GABRA3: variants seen among roughly 807,000 people sequenced by gnomAD.
The protein encoded by GABRA3 is gamma-aminobutyric acid type A receptor subunit alpha3.
In GABRA3, 10 loss-of-function variants were observed where a neutral mutation model predicts 30.1. That is an observed-to-expected ratio of 0.33 (90% CI 0.20 to 0.56). The LOEUF (loss-of-function observed/expected upper bound fraction) is 0.56, where lower values mean the gene tolerates loss of function less well. Among genes scored for constraint, GABRA3 ranks in the 20% least tolerant of loss-of-function variants. The probability of loss-of-function intolerance (pLI) is 0.89; values close to 1 mark genes in which losing one functional copy is unlikely to be tolerated. For synonymous variants in GABRA3, 151 were observed against 146.8 expected, an observed-to-expected ratio of 1.03 and a Z score of -0.21; for missense variants, 233 against 392.0, an observed-to-expected ratio of 0.59 and a Z score of 3.42.
chrX:152,280,259 TAGAAA>T (rs1939175559), intron 4 of GABRA3, among the ~76,000 whole-genome samples: 1 of 111,261 alleles, frequency 9.0e-6, no homozygotes, highest in Non-Finnish European at 1.9e-5. Flanking sequence ...CATAGACTCC[TAGAAA>T]AAGCTCAAGG....
chrX:152,384,984 A>G (rs1253892251), intron 1 of GABRA3, among the ~76,000 whole-genome samples: 2 of 112,210 alleles, frequency 1.8e-5, no homozygotes, highest in South Asian at 3.7e-4. Context: ...GTCATTAACC[A>G]TAAGAAAAAG....
At chrX:152,431,251 A>G (rs1930644580) in intron 1 of GABRA3, among the ~76,000 whole-genome samples, 1 of 111,991 alleles carries the variant, frequency 8.9e-6, no homozygotes, top group Non-Finnish European at 1.9e-5. Flanking sequence ...TTCCAGGATG[A>G]TATCTATGAA....
chrX:152,389,466 C>G (rs1411554043), intron 1 of GABRA3: 8 of 111,513 alleles, frequency 7.2e-5, no homozygotes, highest in African/African-American at 2.6e-4. Context: ...GGCACATTCC[C>G]AGACAACCAT....
At chrX:152,172,200 T>A (rs190008641) in intron 9 of GABRA3, among the ~76,000 whole-genome samples, 58 of 111,611 alleles carry the variant, frequency 5.2e-4, no homozygotes, top group Non-Finnish European at 9.8e-4. Context: ...AACAATCACA[T>A]GAAAAGATGG....
chrX:152,237,013 G>T (rs1460667631), intron 5 of GABRA3, among the ~76,000 whole-genome samples: 14 of 107,939 alleles, frequency 1.3e-4, no homozygotes, highest in African/African-American at 2.0e-4. Context: ...GATCCCATTT[G>T]TCAATTTTGG....
chrX:152,416,717 A>G (rs1451730897), intron 1 of GABRA3, among the ~76,000 whole-genome samples: 23 of 110,737 alleles, frequency 2.1e-4, no homozygotes, highest in Non-Finnish European at 3.6e-4. Context: ...CAGAAATAAC[A>G]CCACATATCT....
At chrX:152,222,262 ATCTT>A (rs774744987) in intron 6 of GABRA3, among the ~76,000 whole-genome samples, 2 of 107,359 alleles carry the variant, frequency 1.9e-5, no homozygotes, top group Non-Finnish European at 3.8e-5. Flanking sequence ...TTGTGTATTT[ATCTT>A]TCTATCCTTC....
At chrX:152,385,771 A>G (rs1192543010) in intron 1 of GABRA3, among the ~76,000 whole-genome samples, 1 of 111,658 alleles carries the variant, frequency 9.0e-6, no homozygotes, top group African/African-American at 3.3e-5. Flanking sequence ...ATTTTCGTAT[A>G]AGGTGTAAGG....
At chrX:152,238,697 C>G (rs1331650381) in intron 5 of GABRA3, among the ~76,000 whole-genome samples, 4 of 108,297 alleles carry the variant, frequency 3.7e-5, no homozygotes, top group Admixed American at 9.8e-5. Flanking sequence ...TTCAGAGATT[C>G]AACTTCTTCC....
intron 9 of GABRA3, among the ~76,000 whole-genome samples, chrX:152,178,703 T>C (rs1373753390): frequency 8.9e-6 from 1 of 111,830 alleles, no homozygotes; most frequent in East Asian, 2.8e-4. Context: ...TTTGCTTTTA[T>C]TATTTTTAAT....
intron 9 of GABRA3, among the ~76,000 whole-genome samples, chrX:152,180,171 T>C (rs937417991): frequency 8.9e-6 from 1 of 112,120 alleles, no homozygotes; most frequent in Admixed American, 9.4e-5. Flanking sequence ...CCACCAATAG[T>C]GTGGAAGGAT....
At chrX:152,271,793 T>A (rs914780252) in intron 4 of GABRA3, among the ~76,000 whole-genome samples, 5 of 111,446 alleles carry the variant, frequency 4.5e-5, no homozygotes, top group African/African-American at 1.6e-4. Flanking sequence ...CAGGACTTGG[T>A]GTCCTGCATC....
rs751425141 is a variant in GABRA3, at chrX:152,312,760, T to A, written c.263-28025A>T. On this transcript the variant is annotated intron_variant, in intron 3 of 9. Coordinates refer to ENST00000370314, the MANE Select transcript of GABRA3 (RefSeq NM_000808.4). ...ACAAAGATCTAATTTCCATAATCTA[T>A]ACAGAATTCAAACAAATCAACAAGC... is the stretch of plus-strand genomic sequence containing the variant. 3.6e-5 allele frequency among the ~76,000 whole-genome samples: 4 copies of A among 111,739 alleles called. No homozygotes were observed. The Admixed American group carries it at 3.8e-4, about 11-fold the overall frequency.
In GABRA3 at chrX:152,252,248, G is replaced by A. The variant is rs140811952; in HGVS notation, c.551+3530C>T. On this transcript the variant is annotated intron_variant, in intron 5 of 9. Transcript: ENST00000370314. ...GCACTAGCCACTCTATTGAAACAGT[G>A]TATGTGAAGAACACTAATATCCTCC... 6.7e-3 allele frequency among the ~76,000 whole-genome samples: 751 copies of A among 111,708 alleles called. 8 individuals carry two copies. The highest frequency in any genetic ancestry group is 0.023 in the African/African-American group (706 of 30,845).
chrX:152,407,019 A>C (rs1929954341), intron 1 of GABRA3, among the ~76,000 whole-genome samples: 1 of 112,408 alleles, frequency 8.9e-6, no homozygotes, highest in Non-Finnish European at 1.9e-5. Context: ...AACAAGTAAA[A>C]AGATTTTTAA....
At chrX:152,173,602 G>A (rs1279173878) in intron 9 of GABRA3, among the ~76,000 whole-genome samples, 1 of 109,411 alleles carries the variant, frequency 9.1e-6, no homozygotes, top group Non-Finnish European at 1.9e-5. Context: ...ATGTGCCACC[G>A]CTGCCCCCCT....
At chrX:152,221,657 A>T (rs1482668098) in intron 6 of GABRA3, among the ~76,000 whole-genome samples, 1 of 111,648 alleles carries the variant, frequency 9.0e-6, no homozygotes, top group East Asian at 2.8e-4. Context: ...TTACTTAATT[A>T]TTGCTTTTGC....
chrX:152,252,330 C>T (rs1212225033), intron 5 of GABRA3, among the ~76,000 whole-genome samples: 2 of 111,194 alleles, frequency 1.8e-5, no homozygotes, highest in Non-Finnish European at 3.8e-5. Context: ...CTTTTTATAG[C>T]CAACAATGTT....
At chrX:152,234,982 A>C (rs770909149) in intron 5 of GABRA3, among the ~76,000 whole-genome samples, 3 of 111,519 alleles carry the variant, frequency 2.7e-5, no homozygotes, top group Non-Finnish European at 5.7e-5. Context: ...GTTAATTTTA[A>C]GATTTTTTTC....
Sources: allele counts gnomAD v4.1 joint callset (sites outside exome capture counted in the v4.1 genomes callset), GRCh38; gene constraint gnomAD v4.1.1; transcripts MANE v1.5; gene names NCBI Gene and HGNC (gene_info 2026-07-23, HGNC 2026-07-21).